TSPAN18: variants seen among roughly 807,000 people sequenced by gnomAD.
TSPAN18 encodes tetraspanin 18, also known as tetraspanin-18.
In TSPAN18, 14 loss-of-function variants were observed where a neutral mutation model predicts 27.3. The ratio of observed to expected loss-of-function variants is 0.51; its 90% CI spans 0.34 to 0.80. The LOEUF (loss-of-function observed/expected upper bound fraction) is 0.80. Ranked by LOEUF, TSPAN18 falls within the 30% of genes least tolerant of loss-of-function variation. The pLI, the probability that TSPAN18 is intolerant of heterozygous loss-of-function variation, is 0.01. For synonymous variants in TSPAN18, 143 were observed against 136.5 expected, an observed-to-expected ratio of 1.05 and a Z score of -0.33; for missense variants, 268 against 323.9, an observed-to-expected ratio of 0.83 and a Z score of 1.32.
chr11:44,849,754 A>G (rs1336997140), intron 2 of TSPAN18, among the ~76,000 whole-genome samples: 1 of 152,178 alleles, frequency 6.6e-6, no homozygotes, highest in African/African-American at 2.4e-5. Context: ...AGGCCATGGC[A>G]CCTGGCAGAC....
intron 2 of TSPAN18, among the ~76,000 whole-genome samples, chr11:44,828,453 G>T (rs1857089361): frequency 1.3e-5 from 2 of 152,158 alleles, no homozygotes; most frequent in Non-Finnish European, 2.9e-5. Context: ...GGATGAAGGG[G>T]TGCTCAGGGC....
At chr11:44,828,772 G>A (rs900813768) in intron 2 of TSPAN18, among the ~76,000 whole-genome samples, 2 of 152,064 alleles carry the variant, frequency 1.3e-5, no homozygotes, top group African/African-American at 4.8e-5. Context: ...CCGAGGCCAC[G>A]ACCAGGGAAT....
intron 1 of TSPAN18, among the ~76,000 whole-genome samples, chr11:44,734,181 ACATACTGGCAC>A (rs528828484): frequency 2.0e-4 from 31 of 152,208 alleles, no homozygotes; most frequent in African/African-American, 4.6e-4. Context: ...CTCCAGAAGC[ACATACTGGCAC>A]CATGCTGGCA....
At chr11:44,843,167 G>A (rs568497734) in intron 2 of TSPAN18, among the ~76,000 whole-genome samples, 1 of 152,238 alleles carries the variant, frequency 6.6e-6, no homozygotes, top group Admixed American at 6.5e-5. Context: ...GGGGGGACCT[G>A]CCCCAATAAT....
intron 2 of TSPAN18, among the ~76,000 whole-genome samples, chr11:44,842,480 C>T (rs1297959127): frequency 6.6e-6 from 1 of 152,126 alleles, no homozygotes; most frequent in Admixed American, 6.5e-5. Flanking sequence ...GGAGCAGAGT[C>T]CAGGCAGCAT....
intron 2 of TSPAN18, among the ~76,000 whole-genome samples, chr11:44,780,340 C>A (rs1319363219): frequency 6.6e-6 from 1 of 152,214 alleles, no homozygotes; most frequent in South Asian, 2.1e-4. Context: ...GATGCCAAGC[C>A]CAGCAGGGGC....
intron 2 of TSPAN18, among the ~76,000 whole-genome samples, chr11:44,832,888 A>G (rs1857184991): frequency 6.6e-6 from 1 of 152,068 alleles, no homozygotes; most frequent in South Asian, 2.1e-4. Context: ...TGGTCTGAAT[A>G]TCTAGGATAT....
chr11:44,870,444 G>A lies in TSPAN18; in HGVS notation c.-11+9975G>A, dbSNP rs187228714. Reference sequence around the variant, plus strand: ...AAGTGTGGTTTCTTTTTAAGAGTTGGAAGAGCTCATCGAGGCCCCTGAGTG... The same window carrying A: ...AAGTGTGGTTTCTTTTTAAGAGTTGAAAGAGCTCATCGAGGCCCCTGAGTG... On this transcript the variant is annotated intron_variant, in intron 3 of 9. Coordinates refer to ENST00000520358, the MANE Select transcript of TSPAN18 (RefSeq NM_130783.5). Among the ~76,000 whole-genome samples, 124 of 152,274 alleles carry A rather than the reference G, an allele frequency of 8.1e-4. 1 individual carries two copies. The highest frequency in any genetic ancestry group is 2.6e-3 in the African/African-American group (109 of 41,542).
chr11:44,870,274 C>T (rs1858157627), intron 3 of TSPAN18, among the ~76,000 whole-genome samples: 1 of 152,170 alleles, frequency 6.6e-6, no homozygotes, highest in African/African-American at 2.4e-5. Context: ...CCCCGGGCCA[C>T]CACCAGTCTA....
At chr11:44,923,574 T>C (rs78442604) in intron 8 of TSPAN18, among the ~76,000 whole-genome samples, 42 of 152,270 alleles carry the variant, frequency 2.8e-4, no homozygotes, top group African/African-American at 1.0e-3. Context: ...CCAGCCCCCT[T>C]TCCCTTAAGC....
chr11:44,826,847 G>A (rs569254393), intron 2 of TSPAN18, among the ~76,000 whole-genome samples: 1 of 152,276 alleles, frequency 6.6e-6, no homozygotes, highest in East Asian at 1.9e-4. Context: ...GGTAGGGGCA[G>A]GATTTTACTC....
Position 44,740,413 on chromosome 11 carries a change from G to A in TSPAN18, c.-240+13126G>A, listed in dbSNP as rs374269477. ...CTGGGAAAGCAGGCTGTACAACCAA[G>A]GGGAACAGCTGCCACCTGTGTGTCC... is the stretch of plus-strand genomic sequence containing the variant. On this transcript the variant is annotated intron_variant, in intron 1 of 9. Coordinates refer to ENST00000520358, the MANE Select transcript of TSPAN18 (RefSeq NM_130783.5). 4.7e-3 allele frequency among the ~76,000 whole-genome samples: 721 copies of A among 152,304 alleles called. 10 individuals are homozygous for A. The highest frequency in any genetic ancestry group is 0.037 in the South Asian group (178 of 4,826).
intron 3 of TSPAN18, among the ~76,000 whole-genome samples, chr11:44,881,443 T>G (rs1165793254): frequency 6.6e-6 from 1 of 152,200 alleles, no homozygotes; most frequent in Non-Finnish European, 1.5e-5. Flanking sequence ...AAGGATTTCT[T>G]TGAGCATCAC....
chr11:44,869,185 C>T (rs79948293), intron 3 of TSPAN18, among the ~76,000 whole-genome samples: 14,254 of 152,212 alleles, frequency 0.094, 836 homozygotes, highest in Middle Eastern at 0.17. Flanking sequence ...TTAAGGTGAT[C>T]GGTTTTGACT....
At chr11:44,825,873 C>T (rs115771363) in intron 2 of TSPAN18, among the ~76,000 whole-genome samples, 1 of 152,150 alleles carries the variant, frequency 6.6e-6, no homozygotes, top group Non-Finnish European at 1.5e-5. Context: ...TGTCTACAGG[C>T]CTTACAGGAC....
In TSPAN18 at chr11:44,917,976, TC is replaced by T; in HGVS notation, c.265del (p.Leu89CysfsTer4). 6.2e-7 allele frequency: 1 copy of T among 1,614,140 alleles called. No individual in the cohort carries two copies. Among genetic ancestry groups the T allele is most frequent in the South Asian group, 1.1e-5 (1 of 91,086 alleles). On this transcript the variant is annotated frameshift_variant, in exon 6 of 10. Coordinates refer to ENST00000520358, the MANE Select transcript of TSPAN18 (RefSeq NM_130783.5). LOFTEE classifies it high-confidence loss of function. Reference protein sequence around the residue: ...RENKCLLLFFFLFILIIFLAE... With the variant: ...RENKCLLLFFXLFILIIFLAE... The stretch of plus-strand genomic sequence containing the variant: ...AGGCTGTTCCTCTCCCTGCAGTTCT[TC>T]CTGTTCATCCTGATCATCTTCCTGG...
At chr11:44,851,615 T>TCC (rs35373492) in intron 2 of TSPAN18, among the ~76,000 whole-genome samples, 3 of 122,768 alleles carry the variant, frequency 2.4e-5, no homozygotes, top group East Asian at 4.2e-4. Flanking sequence ...TCTTGTCACC[T>TCC]CCCCCCCCCA....
intron 2 of TSPAN18, among the ~76,000 whole-genome samples, chr11:44,793,078 G>A (rs1209614058): frequency 6.6e-6 from 1 of 152,194 alleles, no homozygotes; most frequent in Non-Finnish European, 1.5e-5. Context: ...CCTAGGCCAA[G>A]CCCTGCGGGG....
At chr11:44,730,633 T>C (rs911918904) in intron 1 of TSPAN18, among the ~76,000 whole-genome samples, 10 of 151,602 alleles carry the variant, frequency 6.6e-5, no homozygotes, top group African/African-American at 2.4e-4. Flanking sequence ...ACTTTTTTTT[T>C]TTTTTTTTGA....
Sources: gnomAD v4.1 joint callset for allele counts (sites outside exome capture counted in the v4.1 genomes callset) on GRCh38, gnomAD v4.1.1 for gene constraint, MANE v1.5 for transcripts, NCBI Gene and HGNC (gene_info 2026-07-23, HGNC 2026-07-21) for gene names.